JAKMIP2: variants seen among roughly 807,000 people sequenced by gnomAD.
The protein encoded by JAKMIP2 is janus kinase and microtubule-interacting protein 2.
In JAKMIP2, 25 loss-of-function variants were observed where a neutral mutation model predicts 115.0. The ratio of observed to expected loss-of-function variants is 0.22; its 90% CI spans 0.16 to 0.30. The LOEUF is 0.30. JAKMIP2 is among the 10% of genes least tolerant of loss of function. JAKMIP2 has a pLI of 1.00. For missense variants in JAKMIP2, 642 were observed against 957.6 expected (o/e 0.67, Z 4.35); for synonymous variants, 334 against 343.6 (o/e 0.97, Z 0.31).
intron 2 of JAKMIP2, among the ~76,000 whole-genome samples, chr5:147,665,242 T>G (rs1053282245): frequency 1.3e-5 from 2 of 152,182 alleles, no homozygotes; most frequent in African/African-American, 4.8e-5. Flanking sequence ...CATGCTACAA[T>G]GGAGTTGAGT....
intron 3 of JAKMIP2, among the ~76,000 whole-genome samples, chr5:147,656,513 C>CA (rs1366772409): frequency 6.6e-6 from 1 of 151,876 alleles, no homozygotes; most frequent in Non-Finnish European, 1.5e-5. Context: ...GCAACCTCTG[C>CA]TTTTTTTTGC....
At position 147,634,851 on chromosome 5, in the gene JAKMIP2, C is replaced by T. The variant is rs1024140700; in HGVS notation, c.1677+1371G>A. On this transcript the variant is annotated intron_variant, in intron 12 of 21. Coordinates refer to ENST00000616793, the MANE Select transcript of JAKMIP2 (RefSeq NM_001270941.2). ...TTTTCCTCCTTCTCATGCTTACCAG[C>T]CAGGATGTTGTGGTTAATTTTTATT... Among the ~76,000 whole-genome samples, 3 of 152,076 alleles carry T rather than the reference C, an allele frequency of 2.0e-5. No homozygotes were observed. The East Asian group carries it at 5.8e-4, about 29-fold the overall frequency.
chr5:147,719,608 G>T (rs922299925), intron 1 of JAKMIP2, among the ~76,000 whole-genome samples: 3,506 of 151,872 alleles, frequency 0.023, 148 homozygotes, highest in African/African-American at 0.08. Flanking sequence ...TGTAATGGCT[G>T]TCTTTGTCTC....
At chr5:147,694,559 T>C (rs1752019961) in intron 1 of JAKMIP2, among the ~76,000 whole-genome samples, 1 of 152,210 alleles carries the variant, frequency 6.6e-6, no homozygotes, top group Non-Finnish European at 1.5e-5. Context: ...TTTGGCATTC[T>C]CCCTTCCTGT....
rs750050058 is a variant in JAKMIP2, at chr5:147,648,358, A to T, written c.936+18T>A. The T allele has an allele frequency of 3.5e-6, 5 of 1,438,306 alleles. No homozygotes were observed. The South Asian group carries it at 5.8e-5, about 17-fold the overall frequency. 89.1% of individuals were successfully genotyped at this position (1,438,306 alleles called of 1,614,324 possible). A position where few individuals can be genotyped will look rare whatever the true frequency, so the allele number is the denominator to read the frequency against. On this transcript the variant is annotated intron_variant, in intron 5 of 21. Transcript: ENST00000616793. ...ATGCTTAACAACAACATCAACAAAA[A>T]TTTTTAGTATATCTCACCAGTTCAT...
intron 3 of JAKMIP2, among the ~76,000 whole-genome samples, chr5:147,659,176 T>C (rs1581369056): frequency 6.6e-6 from 1 of 152,012 alleles, no homozygotes. Flanking sequence ...CCTGGTGGTG[T>C]AGGCTCATGA....
At chr5:147,760,828 A>G (rs1349805071) in intron 1 of JAKMIP2, among the ~76,000 whole-genome samples, 2 of 152,106 alleles carry the variant, frequency 1.3e-5, no homozygotes, top group Admixed American at 1.3e-4. Context: ...GAAATGGATG[A>G]TTCTGGAGAA....
chr5:147,723,489 A>G (rs1392896010), intron 1 of JAKMIP2, among the ~76,000 whole-genome samples: 2 of 152,154 alleles, frequency 1.3e-5, no homozygotes, highest in Non-Finnish European at 2.9e-5. Context: ...GTGCAATACT[A>G]TGAGGGGAAG....
intron 1 of JAKMIP2, among the ~76,000 whole-genome samples, chr5:147,702,553 GAAGAAAGAAAGA>G (rs140762384): frequency 2.9e-5 from 3 of 104,102 alleles, no homozygotes; most frequent in African/African-American, 9.0e-5. Context: ...GACAAAGAAA[GAAGAAAGAAAGA>G]AAGAAAGAAA....
At position 147,625,852 on chromosome 5, in the gene JAKMIP2, C is replaced by A. The variant is rs116009182; in HGVS notation, c.1996-2163G>T. Among the ~76,000 whole-genome samples the A allele has an allele frequency of 6.0e-3, 916 of 152,270 alleles. 15 individuals are homozygous for A. Among genetic ancestry groups the A allele is most frequent in the African/African-American group, 0.021 (882 of 41,548 alleles). On this transcript the variant is annotated intron_variant, in intron 16 of 21. Coordinates refer to ENST00000616793, the MANE Select transcript of JAKMIP2 (RefSeq NM_001270941.2). ...TCCATGTAATAAAAGTATACCTGTA[C>A]TCCGTAAATTTATACAAATTAAAAA... is the stretch of plus-strand genomic sequence containing the variant.
chr5:147,651,105 T>C (rs923067015), intron 3 of JAKMIP2, among the ~76,000 whole-genome samples: 3 of 152,178 alleles, frequency 2.0e-5, no homozygotes, highest in African/African-American at 7.2e-5. Context: ...CCACGGTTCA[T>C]GTGTTATATC....
At chr5:147,665,587 G>T (rs1029199180) in intron 2 of JAKMIP2, among the ~76,000 whole-genome samples, 1 of 152,146 alleles carries the variant, frequency 6.6e-6, no homozygotes, top group Admixed American at 6.5e-5. Flanking sequence ...ACTAAAAGTG[G>T]ACAAAGGGTA....
intron 1 of JAKMIP2, among the ~76,000 whole-genome samples, chr5:147,704,528 G>A (rs190904768): frequency 2.6e-5 from 4 of 152,230 alleles, no homozygotes; most frequent in East Asian, 3.9e-4. Context: ...TTTGGTGTTA[G>A]GGAAGAGAGG....
At chr5:147,632,828 A>C (rs751357807) in intron 12 of JAKMIP2, 50 bp from the exon 13 acceptor site, 1 of 1,182,058 alleles carries the variant, frequency 8.5e-7, no homozygotes, top group African/African-American at 1.5e-5. Context: ...AAGCACCTAC[A>C]ACTTTGCAAA....
intron 1 of JAKMIP2, among the ~76,000 whole-genome samples, chr5:147,760,971 A>T (rs1448409789): frequency 6.6e-6 from 1 of 152,152 alleles, no homozygotes; most frequent in Non-Finnish European, 1.5e-5. Flanking sequence ...TCCTATACCA[A>T]GACACATTAA....
intron 1 of JAKMIP2, among the ~76,000 whole-genome samples, chr5:147,766,004 T>C (rs58349813): frequency 0.017 from 2,647 of 152,296 alleles, 92 homozygotes; most frequent in African/African-American, 0.061. Context: ...TATGCAGTTT[T>C]ATACTTTGTA....
chr5:147,614,045 C>T (rs924480366), intron 19 of JAKMIP2, among the ~76,000 whole-genome samples: 10 of 152,168 alleles, frequency 6.6e-5, no homozygotes, highest in African/African-American at 2.4e-4. Context: ...TCACGTAATT[C>T]CTTGGCATGT....
intron 1 of JAKMIP2, among the ~76,000 whole-genome samples, chr5:147,726,642 T>C (rs1334992664): frequency 6.6e-6 from 1 of 152,186 alleles, no homozygotes; most frequent in Non-Finnish European, 1.5e-5. Flanking sequence ...TACCTTAGGA[T>C]AGAACATGGG....
chr5:147,639,518 AGAG>A (rs1352126228), intron 10 of JAKMIP2, 111 bp downstream of exon 10: 22 of 1,215,682 alleles, frequency 1.8e-5, no homozygotes, highest in Non-Finnish European at 2.5e-5. Context: ...CAAAAGCTGC[AGAG>A]GAGAGAAGAA....
Sources: allele counts gnomAD v4.1 joint callset (sites outside exome capture counted in the v4.1 genomes callset), GRCh38; gene constraint gnomAD v4.1.1; transcripts MANE v1.5; gene names NCBI Gene and HGNC (gene_info 2026-07-23, HGNC 2026-07-21).